The following RDX variants were observed in gnomAD, a reference collection of about 807,000 sequenced individuals.
The protein encoded by RDX is deafness, autosomal recessive 24.
A neutral mutation model predicts 83.7 loss-of-function variants in RDX; 32 were observed. The observed-to-expected ratio is 0.38, with a 90% confidence interval of 0.29 to 0.51. The LOEUF (loss-of-function observed/expected upper bound fraction) is 0.51. RDX is among the 20% of genes least tolerant of loss of function. The pLI, the probability that RDX is intolerant of heterozygous loss-of-function variation, is 0.87. For missense variants in RDX, 600 were observed against 689.9 expected, an observed-to-expected ratio of 0.87 and a Z score of 1.46; for synonymous variants, 229 against 222.7, an observed-to-expected ratio of 1.03 and a Z score of -0.25.
At chr11:110,224,458 C>G (rs545308242), downstream of RDX, among the ~76,000 whole-genome samples, 73 of 152,228 alleles carry the variant, frequency 4.8e-4, 1 homozygote, top group South Asian at 0.014. Flanking sequence ...TGTCCATAAT[C>G]TGAATCCAGA....
At chr11:110,197,669 G>A (rs549753079) in intron 15 of RDX, among the ~76,000 whole-genome samples, 2 of 152,274 alleles carry the variant, frequency 1.3e-5, no homozygotes, top group African/African-American at 4.8e-5. Context: ...TTTACTTTGG[G>A]GAGTTTTACG....
chr11:110,212,224 A>G (rs141017334), intron 14 of RDX, among the ~76,000 whole-genome samples: 9,479 of 152,008 alleles, frequency 0.062, 441 homozygotes, highest in Non-Finnish European at 0.089. Context: ...CAAATAAAAT[A>G]GAAAATCTGG....
intron 14 of RDX, among the ~76,000 whole-genome samples, chr11:110,207,987 AT>A (rs10709047): frequency 0.44 from 64,556 of 147,440 alleles, 13,988 homozygotes; most frequent in East Asian, 0.6. Context: ...GTTGAATCAG[AT>A]TTTTTTTTTT....
downstream of RDX, among the ~76,000 whole-genome samples, chr11:110,228,214 G>C (rs1485698483): frequency 6.6e-6 from 1 of 152,086 alleles, no homozygotes; most frequent in Non-Finnish European, 1.5e-5. Context: ...TTGTGAGCCA[G>C]CTTTTCCTAG....
chr11:110,270,611 T>C (rs923286225), intron 3 of RDX, among the ~76,000 whole-genome samples: 21 of 152,204 alleles, frequency 1.4e-4, no homozygotes, highest in African/African-American at 2.9e-4. Context: ...ATCATCCTAA[T>C]TGTACAAACG....
chr11:110,228,370 A>G (rs1252473058), downstream of RDX, among the ~76,000 whole-genome samples: 2 of 152,094 alleles, frequency 1.3e-5, no homozygotes, highest in African/African-American at 4.8e-5. Flanking sequence ...GATAGGTTAA[A>G]AAAATGGAAG....
chr11:110,209,401 G>A (rs369724250), intron 14 of RDX, among the ~76,000 whole-genome samples: 1 of 151,156 alleles, frequency 6.6e-6, no homozygotes, highest in South Asian at 2.1e-4. Flanking sequence ...AGGCGGCAGC[G>A]AGGCTGGGGG....
chr11:110,289,956 CAAAAAAAAAAAAAA>C (rs58146009), intron 1 of RDX, among the ~76,000 whole-genome samples: 25 of 35,486 alleles, frequency 7.0e-4, no homozygotes, highest in African/African-American at 2.7e-3. Context: ...GAGACTGTCT[CAAAAAAAAAAAAAA>C]AAAAAAAAAA....
chr11:110,216,354 T>A (rs1390310330), intron 14 of RDX, among the ~76,000 whole-genome samples: 1 of 151,842 alleles, frequency 6.6e-6, no homozygotes, highest in African/African-American at 2.4e-5. Flanking sequence ...GTGTATCTAG[T>A]TTGGCTTGCC....
At position 110,296,486 on chromosome 11, in the gene RDX, T is replaced by G. The variant is rs1354093236; in HGVS notation, c.-84A>C. 6.6e-6 allele frequency: 1 copy of G among 151,250 alleles called. No homozygotes were observed. Among genetic ancestry groups the G allele is most frequent in the Non-Finnish European group, 1.5e-5 (1 of 67,734 alleles). 9.4% of individuals were successfully genotyped at this position (151,250 alleles called of 1,614,324 possible). On this transcript the variant is annotated 5_prime_UTR_variant, in exon 1 of 14. Coordinates refer to ENST00000645495, the MANE Select transcript of RDX (RefSeq NM_002906.4). ...CCTTACCCGGAGAGCGGGCGGCTTCTGCCCGCCGGCGTGTGGCTGGGGCGC... is the reference window on the plus strand; with the variant it reads ...CCTTACCCGGAGAGCGGGCGGCTTCGGCCCGCCGGCGTGTGGCTGGGGCGC...
intron 3 of RDX, among the ~76,000 whole-genome samples, chr11:110,268,636 G>T (rs1406963320): frequency 6.6e-6 from 1 of 152,152 alleles, no homozygotes; most frequent in Non-Finnish European, 1.5e-5. Context: ...CCCACAGTGG[G>T]CACAGGGGAT....
rs572538268 is a variant in RDX at position 110,184,875 on chromosome 11, T to C, written c.*32-9641A>G. Among the ~76,000 whole-genome samples, 15 of 152,252 alleles carry C rather than the reference T, an allele frequency of 9.9e-5. No individual in the cohort carries two copies. In the South Asian group the frequency reaches 2.1e-3, roughly 21 times the overall value. On this transcript the variant is annotated intron_variant, in intron 15 of 15. Transcript: ENST00000528498. ...TAAAGTGCAAGCCAGATAAAACATATCTACCTGTTAGAGTTTGAGACGGTG... is the reference window on the plus strand; with the variant it reads ...TAAAGTGCAAGCCAGATAAAACATACCTACCTGTTAGAGTTTGAGACGGTG...
chr11:110,244,822 A>G (rs1865244030), intron 10 of RDX, among the ~76,000 whole-genome samples: 1 of 152,204 alleles, frequency 6.6e-6, no homozygotes, highest in Non-Finnish European at 1.5e-5. Context: ...ATTTGAAGTT[A>G]TAAGAAAAAG....
At chr11:110,205,091 C>G (rs1439357352) in intron 14 of RDX, among the ~76,000 whole-genome samples, 1 of 151,808 alleles carries the variant, frequency 6.6e-6, no homozygotes, top group Non-Finnish European at 1.5e-5. Flanking sequence ...GAGAGTATAA[C>G]AGAACAGAGG....
intron 7 of RDX, 131 bp from the exon 8 acceptor site, chr11:110,255,516 A>C: frequency 1.6e-6 from 1 of 642,176 alleles, no homozygotes; most frequent in South Asian, 1.7e-5. Flanking sequence ...CTTATTCATA[A>C]CTACAGTTGA....
At chr11:110,225,134 T>C (rs188369974), downstream of RDX, among the ~76,000 whole-genome samples, 1 of 152,328 alleles carries the variant, frequency 6.6e-6, no homozygotes, top group Non-Finnish European at 1.5e-5. Context: ...CATATACGTA[T>C]TCTCTCTTCT....
chr11:110,263,659 G>A (rs1340794696), intron 5 of RDX, among the ~76,000 whole-genome samples: 1 of 151,698 alleles, frequency 6.6e-6, no homozygotes, highest in Admixed American at 6.6e-5. Flanking sequence ...TCAGGAGTTT[G>A]AGACCAGCCT....
rs977312135 is a variant in RDX, at chr11:110,230,140, A to C, written c.*1729T>G. The C allele has an allele frequency of 6.6e-6, 1 of 152,314 alleles. No individual in the cohort carries two copies. Among genetic ancestry groups the C allele is most frequent in the African/African-American group, 2.4e-5 (1 of 41,460 alleles). The allele number at this position is 152,314 out of a possible 1,614,324, so 9.4% of individuals were successfully genotyped here. A position where few individuals can be genotyped will look rare whatever the true frequency, so the allele number is the denominator to read the frequency against. On this transcript the variant is annotated 3_prime_UTR_variant, in exon 14 of 14. Coordinates refer to ENST00000645495, the MANE Select transcript of RDX (RefSeq NM_002906.4). ...CAGCAAAATCAAAAAAGCACAAGAGATATTTTCAGACACAACTTGAATCTA... is the reference window on the plus strand; with the variant it reads ...CAGCAAAATCAAAAAAGCACAAGAGCTATTTTCAGACACAACTTGAATCTA...
intron 15 of RDX, chr11:110,175,306 T>C (rs1431614492): frequency 6.6e-6 from 1 of 152,260 alleles, no homozygotes; most frequent in Non-Finnish European, 1.5e-5. Context: ...AGGGTGTTTT[T>C]AGAGAAGGCC....
Sources: allele counts gnomAD v4.1 joint callset (sites outside exome capture counted in the v4.1 genomes callset), GRCh38; gene constraint gnomAD v4.1.1; transcripts MANE v1.5; gene names NCBI Gene and HGNC (gene_info 2026-07-23, HGNC 2026-07-21).